TLE3: variants seen among roughly 807,000 people sequenced by gnomAD.
TLE3 encodes the protein transducin-like enhancer protein 3.
Under a neutral mutation model 93.0 loss-of-function variants are expected in TLE3, and 14 were observed. That is an observed-to-expected ratio of 0.15 (90% CI 0.10 to 0.24). The LOEUF is 0.24. Ranked by LOEUF, TLE3 falls within the 10% of genes least tolerant of loss-of-function variation. The probability of loss-of-function intolerance (pLI) is 1.00; values close to 1 mark genes in which losing one functional copy is unlikely to be tolerated. For missense variants in TLE3, 693 were observed against 1,046.6 expected, an observed-to-expected ratio of 0.66 and a Z score of 4.66; for synonymous variants, 451 against 425.0, an observed-to-expected ratio of 1.06 and a Z score of -0.75.
At chr15:70,051,703 G>A (rs897752487) in intron 18 of TLE3, among the ~76,000 whole-genome samples, 3 of 152,198 alleles carry the variant, frequency 2.0e-5, no homozygotes, top group Non-Finnish European at 4.4e-5. Flanking sequence ...AGGATTTGAA[G>A]TTCATTGCAG....
At chr15:70,096,040 G>A (rs1315337404) in intron 2 of TLE3, 121 bp downstream of exon 2, 14 of 1,136,276 alleles carry the variant, frequency 1.2e-5, no homozygotes, top group Non-Finnish European at 1.7e-5. Context: ...AAAGGCGGAG[G>A]CCCGGGCTGC....
In TLE3 at chr15:70,058,466, TC is replaced by T. The variant is rs373223078; in HGVS notation, c.919-176del. ...GTTTGGCAGGGACTGGGGTGATCAC[TC>T]CCATTTTACAGACGTAGCAACCGAG... On this transcript the variant is annotated intron_variant, in intron 11 of 19. Transcript: ENST00000451782. The surrounding 1 kb of genome is among the most constrained non-coding windows in gnomAD (Gnocchi z 4.1). 9.3e-6 allele frequency: 12 copies of T among 1,292,698 alleles called. No individual in the cohort carries two copies. In the African/African-American group the frequency reaches 1.0e-4, roughly 11 times the overall value. The allele number at this position is 1,292,698 out of a possible 1,614,324, so 80.1% of individuals were successfully genotyped here.
Position 70,060,840 on chromosome 15 carries a change from G to A in TLE3, c.595-191C>T, listed in dbSNP as rs572980930. On this transcript the variant is annotated intron_variant, in intron 8 of 19. Transcript: ENST00000451782. ...GCCTTCCCCACTCCCCTGAGACTGA[G>A]TCCCCGGGGAGATGCCCTGGGCGCA... The A allele has an allele frequency of 4.5e-4, 392 of 861,790 alleles. 2 individuals carry two copies. Among genetic ancestry groups the A allele is most frequent in the Middle Eastern group, 1.1e-3 (5 of 4,486 alleles). The allele number at this position is 861,790 out of a possible 1,614,324, so 53.4% of individuals were successfully genotyped here. A position where few individuals can be genotyped will look rare whatever the true frequency, so the allele number is the denominator to read the frequency against.
intron 7 of TLE3, 92 bp from the exon 8 acceptor site, chr15:70,064,562 C>T (rs2056695503): frequency 6.4e-7 from 1 of 1,567,290 alleles, no homozygotes; most frequent in Non-Finnish European, 8.7e-7. Flanking sequence ...CTAAGTCCAG[C>T]TGGCTTTTGT....
intron 6 of TLE3, among the ~76,000 whole-genome samples, chr15:70,069,692 T>C (rs1315001330): frequency 1.3e-5 from 2 of 152,238 alleles, no homozygotes; most frequent in Non-Finnish European, 2.9e-5. Flanking sequence ...GGCTCCTTCC[T>C]CAGTGCAAGA....
rs772341988 is a variant in TLE3, at chr15:70,056,356, G to A, written c.1270C>T (p.Pro424Ser). The A allele has an allele frequency of 1.2e-6, 2 of 1,613,374 alleles. No individual in the cohort carries two copies. Among genetic ancestry groups the A allele is most frequent in the Non-Finnish European group, 1.7e-6 (2 of 1,179,838 alleles). Residue 424 changes from proline (P) to serine (S), a missense_variant, in exon 14 of 20, where the codon CCC becomes TCC. By Grantham distance (74) the Pro-to-Ser change is moderately conservative. Transcript: ENST00000451782. ...GGGAGGCCTGTGGCCCGCATCGGGG[G>A]GTGAGGGTCAAAACCAACCTGTAAA... The part of the protein sequence containing the change: ...SFGAVGFDPH[P>S]PMRATGLPSS...
intron 8 of TLE3, among the ~76,000 whole-genome samples, chr15:70,063,276 C>T (rs1484954542): frequency 6.6e-6 from 1 of 152,240 alleles, no homozygotes; most frequent in Non-Finnish European, 1.5e-5. Context: ...CTCCGCCTAT[C>T]TAGGCAAACT....
Position 70,057,645 on chromosome 15 carries a change from G to A in TLE3, c.1065C>T (p.Arg355=), listed in dbSNP as rs2056167787. 1 of 1,575,862 alleles carries A rather than the reference G, an allele frequency of 6.3e-7. No homozygotes were observed. The highest frequency in any genetic ancestry group is 2.3e-5 in the East Asian group (1 of 43,514). Residue 355 remains arginine, a synonymous_variant, in exon 13 of 20, where the codon CGC becomes CGT. Coordinates refer to ENST00000451782, the MANE Select transcript of TLE3 (RefSeq NM_001105192.3). ...PGMDPIASAL[R]TPISITSSYA... ...AGGAGCTGGTGATGGAGATGGGCGT[G>A]CGCAGAGCCGAGGCTGCGAGGGGTG...
intron 4 of TLE3, among the ~76,000 whole-genome samples, chr15:70,084,838 T>C (rs1473375068): frequency 1.3e-5 from 2 of 152,216 alleles, no homozygotes; most frequent in Admixed American, 6.5e-5. Context: ...GTCTGAGGCC[T>C]TGACAATTTG....
intron 14 of TLE3, chr15:70,055,573 A>G: frequency 2.8e-6 from 1 of 351,608 alleles, no homozygotes; most frequent in Non-Finnish European, 5.1e-6. Flanking sequence ...GCCCTTTCCC[A>G]CGATCCATAC....
At chr15:70,085,583 C>T (rs950076379) in intron 4 of TLE3, among the ~76,000 whole-genome samples, 1 of 152,124 alleles carries the variant, frequency 6.6e-6, no homozygotes, top group Non-Finnish European at 1.5e-5. Flanking sequence ...AGTGAGAAAA[C>T]CCAAAAGGCT....
intron 8 of TLE3, 75 bp downstream of exon 8, chr15:70,064,379 G>A (rs575693765): frequency 1.8e-5 from 29 of 1,588,868 alleles, no homozygotes; most frequent in Admixed American, 8.5e-5. Context: ...TCAGGCCCGC[G>A]ATTCTGGGAG....
chr15:70,059,332 A>C (rs2056308780), intron 10 of TLE3, 78 bp downstream of exon 10: 1 of 1,512,674 alleles, frequency 6.6e-7, no homozygotes, highest in Non-Finnish European at 9.0e-7. Context: ...GAACAGACAG[A>C]ATAGATCCCA....
At chr15:70,052,187 C>T (rs186371983) in intron 18 of TLE3, among the ~76,000 whole-genome samples, 187 bp downstream of exon 18, 7 of 152,330 alleles carry the variant, frequency 4.6e-5, no homozygotes, top group Non-Finnish European at 8.8e-5. Context: ...CATCTGCATC[C>T]GAGAAACAAG....
At chr15:70,081,736 T>C (rs995110668) in intron 4 of TLE3, among the ~76,000 whole-genome samples, 3 of 152,240 alleles carry the variant, frequency 2.0e-5, no homozygotes, top group Admixed American at 6.5e-5. Context: ...GGCAGTGTCA[T>C]GCAAAGAGCA....
At chr15:70,075,893 A>C (rs546075428) in intron 5 of TLE3, among the ~76,000 whole-genome samples, 4 of 152,146 alleles carry the variant, frequency 2.6e-5, no homozygotes, top group Non-Finnish European at 5.9e-5. Context: ...GAGAAGAAGG[A>C]GCAAATGGTC....
chr15:70,094,751 C>T (rs116676204), intron 3 of TLE3, 175 bp from the exon 4 acceptor site: 371 of 591,578 alleles, frequency 6.3e-4, no homozygotes, highest in African/African-American at 1.8e-3. Flanking sequence ...CTGACAAGGG[C>T]GAGCGTTCCT....
In TLE3 at chr15:70,058,055, G is replaced by A; in HGVS notation, c.1051+104C>T. 6.5e-7 allele frequency: 1 copy of A among 1,542,538 alleles called. No individual in the cohort carries two copies. Among genetic ancestry groups the A allele is most frequent in the South Asian group, 1.2e-5 (1 of 83,940 alleles). ...CCAGGGGCAGGCCCTGGGAGACACT[G>A]CCTGTGCTCTATCCCATGCGTGTGT... On this transcript the variant is annotated intron_variant, in intron 12 of 19. Transcript: ENST00000451782. The surrounding 1 kb of genome is among the most constrained non-coding windows in gnomAD (Gnocchi z 4.1).
chr15:70,089,077 C>CT lies in TLE3; in HGVS notation c.234+5454_234+5455insA, dbSNP rs2058177505. The stretch of plus-strand genomic sequence containing the variant: ...TCCCCGCCCCACATCATTCCGAAGA[C>CT]GTGTGGCTTCTAGAACATATCTCAC... On this transcript the variant is annotated intron_variant, in intron 4 of 19. Coordinates refer to ENST00000451782, the MANE Select transcript of TLE3 (RefSeq NM_001105192.3). Among the ~76,000 whole-genome samples the CT allele has an allele frequency of 2.0e-5, 3 of 152,238 alleles. No individual in the cohort carries two copies. In the South Asian group the frequency reaches 6.2e-4, roughly 31 times the overall value.
Sources: allele counts gnomAD v4.1 joint callset (sites outside exome capture counted in the v4.1 genomes callset), GRCh38; gene constraint gnomAD v4.1.1; non-coding constraint Gnocchi (gnomAD v3.1); transcripts MANE v1.5; gene names NCBI Gene and HGNC (gene_info 2026-07-23, HGNC 2026-07-21).